ADARB2: variants seen among roughly 807,000 people sequenced by gnomAD.
ADARB2 encodes inactive double-stranded RNA-specific editase B2.
Under a neutral mutation model 62.2 loss-of-function variants are expected in ADARB2, and 25 were observed. The observed-to-expected ratio is 0.40, with a 90% CI of 0.29 to 0.56. ADARB2 has a LOEUF of 0.56. Among genes scored for constraint, ADARB2 ranks in the 20% least tolerant of loss-of-function variants. The probability of loss-of-function intolerance (pLI) is 0.43; values close to 1 mark genes in which losing one functional copy is unlikely to be tolerated. For missense variants in ADARB2, 1,071 were observed against 1,077.4 expected, an observed-to-expected ratio of 0.99 and a Z score of 0.08; for synonymous variants, 572 against 500.8, an observed-to-expected ratio of 1.14 and a Z score of -1.90.
chr10:1,456,600 A>G (rs12220768), intron 1 of ADARB2, among the ~76,000 whole-genome samples: 122,317 of 152,014 alleles, frequency 0.8, 49,670 homozygotes, highest in Middle Eastern at 0.89. Flanking sequence ...CCTGCAAGGG[A>G]CCATTTTGGG....
intron 1 of ADARB2, among the ~76,000 whole-genome samples, chr10:1,721,930 A>G (rs1034345786): frequency 1.3e-5 from 2 of 152,186 alleles, no homozygotes; most frequent in African/African-American, 4.8e-5. Flanking sequence ...TCAGAGATTG[A>G]TACTTACTGG....
intron 1 of ADARB2, among the ~76,000 whole-genome samples, chr10:1,617,071 G>A (rs12411889): frequency 0.16 from 22,487 of 139,400 alleles, 112 homozygotes; most frequent in East Asian, 0.26. Flanking sequence ...TGACCTCAGA[G>A]GGTTACATTC....
intron 1 of ADARB2, among the ~76,000 whole-genome samples, chr10:1,682,394 C>G (rs555839027): frequency 6.6e-6 from 1 of 152,182 alleles, no homozygotes; most frequent in Non-Finnish European, 1.5e-5. Flanking sequence ...AAGAAAGCTG[C>G]CTGGGAAGCC....
intron 1 of ADARB2, among the ~76,000 whole-genome samples, chr10:1,597,011 C>T (rs1472341713): frequency 6.6e-6 from 1 of 152,094 alleles, no homozygotes; most frequent in Non-Finnish European, 1.5e-5. Flanking sequence ...GCCTCCTGCC[C>T]AGGAGCCACG....
intron 1 of ADARB2, among the ~76,000 whole-genome samples, chr10:1,588,338 G>T (rs939224229): frequency 6.6e-6 from 1 of 152,132 alleles, no homozygotes; most frequent in Non-Finnish European, 1.5e-5. Flanking sequence ...TATCTGCAGC[G>T]GGTCCAACAA....
At chr10:1,633,842 T>A (rs984166373) in intron 1 of ADARB2, among the ~76,000 whole-genome samples, 3 of 152,160 alleles carry the variant, frequency 2.0e-5, no homozygotes, top group African/African-American at 7.2e-5. Flanking sequence ...GGCCCCCGAC[T>A]CTGACCCCTC....
At chr10:1,530,814 T>A (rs1832223442) in intron 1 of ADARB2, among the ~76,000 whole-genome samples, 1 of 152,114 alleles carries the variant, frequency 6.6e-6, no homozygotes, top group Non-Finnish European at 1.5e-5. Context: ...CCTTCAACTC[T>A]GGAAACCCAC....
At chr10:1,720,448 C>T (rs1261527013) in intron 1 of ADARB2, among the ~76,000 whole-genome samples, 3 of 152,154 alleles carry the variant, frequency 2.0e-5, no homozygotes, top group Non-Finnish European at 4.4e-5. Context: ...AGATCCTATA[C>T]CAAACCTCAG....
chr10:1,491,794 G>C (rs1831625750), intron 1 of ADARB2, among the ~76,000 whole-genome samples: 1 of 152,234 alleles, frequency 6.6e-6, no homozygotes, highest in South Asian at 2.1e-4. Context: ...AGAGTGGAAA[G>C]ACCTTTCTGT....
intron 1 of ADARB2, among the ~76,000 whole-genome samples, chr10:1,651,430 G>A (rs1378180260): frequency 6.6e-6 from 1 of 152,216 alleles, no homozygotes; most frequent in Non-Finnish European, 1.5e-5. Context: ...ACCGCAGTGG[G>A]TGATGTGAGA....
chr10:1,222,123 A>G (rs1280553331), intron 6 of ADARB2, among the ~76,000 whole-genome samples: 1 of 152,186 alleles, frequency 6.6e-6, no homozygotes, highest in Non-Finnish European at 1.5e-5. Context: ...CTGGTGTGAG[A>G]TGGTATCTCA....
intron 1 of ADARB2, among the ~76,000 whole-genome samples, chr10:1,410,881 G>C (rs374548689): frequency 1.8e-4 from 27 of 152,316 alleles, no homozygotes; most frequent in African/African-American, 6.5e-4. Flanking sequence ...TGTTTCAGCT[G>C]CCCGGATGGA....
At chr10:1,375,853 C>T (rs2131857975) in intron 2 of ADARB2, among the ~76,000 whole-genome samples, 1 of 149,988 alleles carries the variant, frequency 6.7e-6, no homozygotes, top group Middle Eastern at 3.7e-3. Context: ...CACATGCACA[C>T]ACATGCACAT....
intron 4 of ADARB2, 131 bp downstream of exon 4, chr10:1,270,824 T>C (rs1249784116): frequency 1.3e-6 from 1 of 759,132 alleles, no homozygotes; most frequent in East Asian, 2.7e-5. Flanking sequence ...CTGTATATGC[T>C]ATAATATTTT....
chr10:1,584,257 C>A (rs530949927), intron 1 of ADARB2, among the ~76,000 whole-genome samples: 1 of 152,062 alleles, frequency 6.6e-6, no homozygotes. Context: ...GAAAAACAAA[C>A]AACCCAATTA....
intron 6 of ADARB2, among the ~76,000 whole-genome samples, chr10:1,224,721 C>T (rs1016159320): frequency 1.1e-4 from 17 of 152,122 alleles, no homozygotes; most frequent in East Asian, 1.9e-4. Flanking sequence ...TCAGTTTCCA[C>T]GTAGTTGAGT....
intron 2 of ADARB2, among the ~76,000 whole-genome samples, chr10:1,372,726 A>C (rs1052227834): frequency 2.3e-4 from 35 of 152,220 alleles, no homozygotes; most frequent in Admixed American, 6.5e-5. Flanking sequence ...TTCAAAATAG[A>C]GTATAAGAAT....
chr10:1,416,623 A>C (rs1832804571), intron 1 of ADARB2, among the ~76,000 whole-genome samples: 1 of 152,198 alleles, frequency 6.6e-6, no homozygotes, highest in African/African-American at 2.4e-5. Context: ...GGGGCCCTGG[A>C]GTTTCTCACC....
intron 3 of ADARB2, among the ~76,000 whole-genome samples, chr10:1,328,291 A>T (rs1366439031): frequency 6.6e-6 from 1 of 152,218 alleles, no homozygotes; most frequent in Admixed American, 6.5e-5. Context: ...GAAGGGCAGC[A>T]TCCAGGAAAT....
Sources: gnomAD v4.1 joint callset for allele counts (sites outside exome capture counted in the v4.1 genomes callset) on GRCh38, gnomAD v4.1.1 for gene constraint, MANE v1.5 for transcripts, NCBI Gene and HGNC (gene_info 2026-07-23, HGNC 2026-07-21) for gene names.